Variants in ADAM17 observed in about 807,000 individuals in gnomAD.
The protein encoded by ADAM17 is ADAM metallopeptidase domain 17.
Under a neutral mutation model 96.7 loss-of-function variants are expected in ADAM17, and 39 were observed. That is an observed-to-expected ratio of 0.40 (90% CI 0.31 to 0.53). The LOEUF (loss-of-function observed/expected upper bound fraction) is 0.53. Among genes scored for constraint, ADAM17 ranks in the 20% least tolerant of loss-of-function variants. The probability of loss-of-function intolerance (pLI) is 0.44; values close to 1 mark genes in which losing one functional copy is unlikely to be tolerated. For synonymous variants in ADAM17, 344 were observed against 359.2 expected, an observed-to-expected ratio of 0.96 and a Z score of 0.48; for missense variants, 777 against 1,013.2, an observed-to-expected ratio of 0.77 and a Z score of 3.17.
chr2:9,499,462 C>G (rs1662866317), intron 13 of ADAM17, among the ~76,000 whole-genome samples: 1 of 151,772 alleles, frequency 6.6e-6, no homozygotes, highest in African/African-American at 2.4e-5. Flanking sequence ...AGTGCAGTGG[C>G]GTGATCTCGG....
chr2:9,510,349 T>C (rs915090265), intron 10 of ADAM17, among the ~76,000 whole-genome samples: 84 of 152,160 alleles, frequency 5.5e-4, no homozygotes, highest in African/African-American at 2.0e-3. Context: ...GGAGACCCTA[T>C]CTCTACAAAA....
At chr2:9,509,213 G>A (rs577531187) in intron 11 of ADAM17, among the ~76,000 whole-genome samples, 1 of 152,110 alleles carries the variant, frequency 6.6e-6, no homozygotes, top group East Asian at 1.9e-4. Flanking sequence ...TCTCCCCACC[G>A]ACCCTCTTTA....
intron 14 of ADAM17, among the ~76,000 whole-genome samples, chr2:9,495,143 G>GC (rs1454562624): frequency 6.6e-6 from 1 of 152,190 alleles, no homozygotes; most frequent in Admixed American, 6.5e-5. Flanking sequence ...TCTAAAGTGT[G>GC]CCCCTCAGGG....
chr2:9,536,619 G>A, intron 3 of ADAM17, 79 bp downstream of exon 3: 2 of 1,577,960 alleles, frequency 1.3e-6, no homozygotes, highest in Non-Finnish European at 1.7e-6. Flanking sequence ...TCCTGCACCA[G>A]AAAAGAATAT....
In ADAM17 at chr2:9,505,306, C is replaced by T. The variant is rs1416000636; in HGVS notation, c.1404G>A (p.Glu468=). 2.5e-5 allele frequency: 40 copies of T among 1,614,094 alleles called. No homozygotes were observed. Among genetic ancestry groups the T allele is most frequent in the Non-Finnish European group, 3.2e-5 (38 of 1,180,060 alleles). Residue 468 remains glutamate (E), a synonymous_variant, in exon 12 of 19, where the codon GAG becomes GAA. Coordinates refer to ENST00000310823, the MANE Select transcript of ADAM17 (RefSeq NM_003183.6). ...CTTTATTGCTGCGTTCTTGAAAACA[C>T]TCCTGGGCCTTACTTTCAATGGTCT... ...IYKTIESKAQ[E]CFQERSNKVC...
chr2:9,518,511 GAACT>G (rs771024929), intron 8 of ADAM17, among the ~76,000 whole-genome samples: 3 of 152,132 alleles, frequency 2.0e-5, no homozygotes, highest in Non-Finnish European at 4.4e-5. Flanking sequence ...CAGCTCTTCA[GAACT>G]AACTCACTGC....
chr2:9,492,897 C>A lies in ADAM17; in HGVS notation c.2082+1G>T, dbSNP rs772783109. ...TAATTACTTAAAAGTTGATGACTTA[C>A]CACACAATGGACAAGAATGCTGAAA... On this transcript the variant is annotated splice_donor_variant, in intron 17 of 18. Coordinates refer to ENST00000310823, the MANE Select transcript of ADAM17 (RefSeq NM_003183.6). LOFTEE classifies it high-confidence loss of function. 6 of 1,607,454 alleles carry A rather than the reference C, an allele frequency of 3.7e-6. No individual in the cohort carries two copies.
rs1664355349 is a variant in ADAM17 at position 9,522,503 on chromosome 2, T to C, written c.843+746A>G. 4 of 540,004 alleles carry C rather than the reference T, an allele frequency of 7.4e-6. 1 individual carries two copies. The South Asian group carries it at 7.8e-5, about 10-fold the overall frequency. The allele number at this position is 540,004 out of a possible 1,614,324, so 33.5% of individuals were successfully genotyped here. On this transcript the variant is annotated intron_variant, in intron 7 of 18. Coordinates refer to ENST00000310823, the MANE Select transcript of ADAM17 (RefSeq NM_003183.6). ...GGGAAAAATAATTCTCTTAGTTTTA[T>C]ACAAGTAATATCAAAGTTTAACATT...
intron 16 of ADAM17, 108 bp from the exon 17 acceptor site, chr2:9,493,094 G>T: frequency 1.2e-6 from 1 of 852,734 alleles, no homozygotes; most frequent in Non-Finnish European, 1.8e-6. Flanking sequence ...CTGCTGGCTA[G>T]ACATACTACC....
chr2:9,529,349 G>A (rs917113679), intron 4 of ADAM17, among the ~76,000 whole-genome samples: 1 of 152,254 alleles, frequency 6.6e-6, no homozygotes, highest in African/African-American at 2.4e-5. Context: ...TACCTGGGAG[G>A]CTGAGGCAAG....
chr2:9,491,545 T>C (rs769592009), intron 17 of ADAM17, among the ~76,000 whole-genome samples: 130 of 152,184 alleles, frequency 8.5e-4, no homozygotes, highest in Non-Finnish European at 1.6e-3. Context: ...AAGACCCAGG[T>C]GGCTGGGCCT....
In ADAM17 at chr2:9,490,516, G is replaced by T. The variant is rs775368008; in HGVS notation, c.2136C>A (p.Asn712Lys). Reference sequence around the variant, plus strand: ...AATCCATGCTGCTCAGCATTTCGACGTTCTGCAAAGACATGGGTTCAATTG... The same window carrying T: ...AATCCATGCTGCTCAGCATTTCGACTTTCTGCAAAGACATGGGTTCAATTG... Reference protein sequence around the residue: ...YESLSLFHPSNVEMLSSMDSA... With the variant: ...YESLSLFHPSKVEMLSSMDSA... Residue 712 changes from asparagine (N) to lysine (K), a missense_variant and splice_region_variant, in exon 19 of 19, where the codon AAC becomes AAA. Transcript: ENST00000310823. The T allele has an allele frequency of 1.2e-6, 2 of 1,609,512 alleles. No homozygotes were observed. Among genetic ancestry groups the T allele is most frequent in the African/African-American group, 2.7e-5 (2 of 74,934 alleles).
chr2:9,515,735 CAAA>C (rs56888068), intron 10 of ADAM17, among the ~76,000 whole-genome samples: 23 of 118,058 alleles, frequency 1.9e-4, no homozygotes, highest in Non-Finnish European at 2.5e-4. Context: ...ACTCCGTCTC[CAAA>C]AAAAAAAAAA....
chr2:9,542,811 C>T (rs1313221578), intron 2 of ADAM17, among the ~76,000 whole-genome samples: 1 of 152,170 alleles, frequency 6.6e-6, no homozygotes, highest in African/African-American at 2.4e-5. Flanking sequence ...GATTCTCCTG[C>T]CTCAGCCTCC....
chr2:9,499,279 G>A (rs534430380), intron 13 of ADAM17, among the ~76,000 whole-genome samples: 4 of 151,972 alleles, frequency 2.6e-5, no homozygotes, highest in Admixed American at 6.5e-5. Flanking sequence ...TTTTACTTAC[G>A]TTTATTTAAA....
intron 15 of ADAM17, among the ~76,000 whole-genome samples, 161 bp from the exon 16 acceptor site, chr2:9,493,986 G>A (rs1163321415): frequency 1.3e-5 from 2 of 152,276 alleles, no homozygotes; most frequent in Admixed American, 6.5e-5. Context: ...GAGTACCCAA[G>A]AAAGTAGAAC....
At position 9,537,524 on chromosome 2, in the gene ADAM17, G is replaced by A. The variant is rs535294844; in HGVS notation, c.231-696C>T. On this transcript the variant is annotated intron_variant, in intron 2 of 18. Transcript: ENST00000310823. Reference sequence around the variant, plus strand: ...TGAGCTGGGCGGATCACGAGGTCAGGAGATCGAGACCATCCTGGCTAACAC... The same window carrying A: ...TGAGCTGGGCGGATCACGAGGTCAGAAGATCGAGACCATCCTGGCTAACAC... Among the ~76,000 whole-genome samples, 247 of 152,220 alleles carry A rather than the reference G, an allele frequency of 1.6e-3. 1 individual carries two copies. Among genetic ancestry groups the A allele is most frequent in the African/African-American group, 5.7e-3 (237 of 41,536 alleles).
In ADAM17 at chr2:9,504,763, G is replaced by GA. The variant is rs55649546; in HGVS notation, c.1544+402dup. Among the ~76,000 whole-genome samples the GA allele has an allele frequency of 4.0e-3, 466 of 117,722 alleles. 1 individual carries two copies. The highest frequency in any genetic ancestry group is 9.3e-3 in the East Asian group (29 of 3,114). 77.2% of individuals were successfully genotyped at this position (117,722 alleles called of 152,430 possible). ...GCGACAGAGCAAGACTCTGTCTCAG[G>GA]AAAAAAAAAAAAAAAAAAGATTCTT... is the stretch of plus-strand genomic sequence containing the variant. On this transcript the variant is annotated intron_variant, in intron 12 of 18. Coordinates refer to ENST00000310823, the MANE Select transcript of ADAM17 (RefSeq NM_003183.6).
chr2:9,507,618 G>T (rs1402618366), intron 11 of ADAM17, among the ~76,000 whole-genome samples: 1 of 152,122 alleles, frequency 6.6e-6, no homozygotes, highest in East Asian at 1.9e-4. Flanking sequence ...AATATGATGT[G>T]CTCAGGACAA....
Sources: allele counts gnomAD v4.1 joint callset (sites outside exome capture counted in the v4.1 genomes callset), GRCh38; gene constraint gnomAD v4.1.1; transcripts MANE v1.5; gene names NCBI Gene and HGNC (gene_info 2026-07-23, HGNC 2026-07-21).